The following UNC5C variants were observed in gnomAD, a reference collection of about 807,000 sequenced individuals.
UNC5C encodes the protein unc-5 netrin receptor C.
A neutral mutation model predicts 99.8 loss-of-function variants in UNC5C; 47 were observed. The observed-to-expected ratio is 0.47, with a 90% confidence interval of 0.37 to 0.60. UNC5C has a LOEUF of 0.60. UNC5C is among the 20% of genes least tolerant of loss of function. The pLI is 0.00. For synonymous variants in UNC5C, 487 were observed against 452.2 expected (o/e 1.08, Z -0.98); for missense variants, 1,062 against 1,165.9 (o/e 0.91, Z 1.30).
chr4:95,515,960 G>A (rs1282033046), intron 1 of UNC5C, among the ~76,000 whole-genome samples: 3 of 152,110 alleles, frequency 2.0e-5, no homozygotes, highest in Non-Finnish European at 4.4e-5. Flanking sequence ...ATATATTAAT[G>A]CTCTATGTGC....
intron 1 of UNC5C, among the ~76,000 whole-genome samples, chr4:95,467,139 T>C (rs1201521030): frequency 2.0e-5 from 3 of 152,188 alleles, no homozygotes; most frequent in Non-Finnish European, 4.4e-5. Context: ...TGGCCCCTGC[T>C]GACAGGTTAA....
chr4:95,514,609 T>C (rs1722164958), intron 1 of UNC5C, among the ~76,000 whole-genome samples: 4 of 149,878 alleles, frequency 2.7e-5, no homozygotes, highest in Admixed American at 2.0e-4. Context: ...GTGTGTTCTA[T>C]AAGAGCAGCA....
chr4:95,315,545 C>T (rs931478466), intron 2 of UNC5C, among the ~76,000 whole-genome samples: 13 of 152,128 alleles, frequency 8.5e-5, no homozygotes, highest in African/African-American at 2.9e-4. Flanking sequence ...ATTCATATCT[C>T]CAGGCAAAGT....
At chr4:95,428,870 T>A (rs1332212711) in intron 1 of UNC5C, among the ~76,000 whole-genome samples, 1 of 152,158 alleles carries the variant, frequency 6.6e-6, no homozygotes, top group Non-Finnish European at 1.5e-5. Context: ...TACAGTTTTC[T>A]ATCTCCTGAC....
intron 14 of UNC5C, among the ~76,000 whole-genome samples, chr4:95,181,473 C>G (rs984556533): frequency 6.6e-6 from 1 of 152,068 alleles, no homozygotes; most frequent in Admixed American, 6.5e-5. Flanking sequence ...GGACCAGACC[C>G]CCTCACCCCC....
intron 1 of UNC5C, among the ~76,000 whole-genome samples, chr4:95,388,805 A>G (rs964983930): frequency 6.6e-6 from 1 of 152,184 alleles, no homozygotes; most frequent in African/African-American, 2.4e-5. Flanking sequence ...AGACAAATTC[A>G]TATCATTTCT....
Position 95,162,695 on chromosome 4 carries a change from C to T in UNC5C, c.*6539G>A, listed in dbSNP as rs890233773. The T allele has an allele frequency of 2.6e-4, 39 of 152,216 alleles. No individual in the cohort carries two copies. Among genetic ancestry groups the T allele is most frequent in the African/African-American group, 8.9e-4 (37 of 41,520 alleles). The allele number at this position is 152,216 out of a possible 1,614,324, so 9.4% of individuals were successfully genotyped here. A position where few individuals can be genotyped will look rare whatever the true frequency, so the allele number is the denominator to read the frequency against. ...CCCTCACCTCCACCACTCAGCAAGG[C>T]GCCGGACAGATATCCGGAGGGCACT... On this transcript the variant is annotated 3_prime_UTR_variant, in exon 16 of 16. Transcript: ENST00000453304.
At chr4:95,422,697 G>T (rs1175931956) in intron 1 of UNC5C, among the ~76,000 whole-genome samples, 3 of 152,180 alleles carry the variant, frequency 2.0e-5, no homozygotes, top group African/African-American at 7.2e-5. Flanking sequence ...TTGTATCTCA[G>T]TGAGAGAATG....
chr4:95,281,637 A>G (rs1222207882), intron 3 of UNC5C, among the ~76,000 whole-genome samples: 1 of 152,232 alleles, frequency 6.6e-6, no homozygotes, highest in Non-Finnish European at 1.5e-5. Context: ...GGAGAGCGCC[A>G]GAAGGCAAGG....
At chr4:95,324,514 T>G (rs1742816450) in intron 2 of UNC5C, among the ~76,000 whole-genome samples, 2 of 152,280 alleles carry the variant, frequency 1.3e-5, no homozygotes, top group South Asian at 4.1e-4. Context: ...CCTCCCACTT[T>G]GCGGAAAAAT....
chr4:95,327,273 C>T (rs116739131), intron 2 of UNC5C, among the ~76,000 whole-genome samples: 2,665 of 152,028 alleles, frequency 0.018, 49 homozygotes, highest in African/African-American at 0.046. Flanking sequence ...AAAGCTTTAA[C>T]GTAAAAAGCC....
At chr4:95,536,191 T>A (rs1312149848) in intron 1 of UNC5C, among the ~76,000 whole-genome samples, 1 of 151,902 alleles carries the variant, frequency 6.6e-6, no homozygotes, top group Non-Finnish European at 1.5e-5. Context: ...TTCTCCTGCC[T>A]CAGCTTCCCA....
At chr4:95,300,206 G>T (rs1384768693) in intron 3 of UNC5C, among the ~76,000 whole-genome samples, 1 of 152,192 alleles carries the variant, frequency 6.6e-6, no homozygotes, top group Non-Finnish European at 1.5e-5. Context: ...CAGGTTACGT[G>T]GCATCCATGT....
At chr4:95,258,802 C>T (rs555084825) in intron 4 of UNC5C, among the ~76,000 whole-genome samples, 153 of 131,874 alleles carry the variant, frequency 1.2e-3, no homozygotes, top group South Asian at 2.0e-3. Flanking sequence ...TCGCCCAGGC[C>T]GGACTGCGGA....
intron 8 of UNC5C, among the ~76,000 whole-genome samples, chr4:95,219,654 G>A (rs1194977028): frequency 1.3e-5 from 2 of 152,024 alleles, no homozygotes; most frequent in Non-Finnish European, 2.9e-5. Flanking sequence ...GGGTTCATTG[G>A]TAAATCATTC....
chr4:95,527,429 G>C (rs1243957976), intron 1 of UNC5C, among the ~76,000 whole-genome samples: 3 of 152,022 alleles, frequency 2.0e-5, no homozygotes, highest in Non-Finnish European at 4.4e-5. Context: ...AAACTGATTT[G>C]ATAAATTAAA....
chr4:95,277,326 C>T (rs1457385741), intron 4 of UNC5C, among the ~76,000 whole-genome samples: 1 of 152,160 alleles, frequency 6.6e-6, no homozygotes, highest in Non-Finnish European at 1.5e-5. Context: ...TGGAGGCCAA[C>T]AAGGACCACC....
chr4:95,162,681 A>G lies in UNC5C; in HGVS notation c.*6553T>C, dbSNP rs2149339646. Reference sequence around the variant, plus strand: ...CCCGGAGCTGGTATCCCTCACCTCCACCACTCAGCAAGGCGCCGGACAGAT... The same window carrying G: ...CCCGGAGCTGGTATCCCTCACCTCCGCCACTCAGCAAGGCGCCGGACAGAT... On this transcript the variant is annotated 3_prime_UTR_variant, in exon 16 of 16. Transcript: ENST00000453304. 1 of 152,150 alleles carries G rather than the reference A, an allele frequency of 6.6e-6. No homozygotes were observed. Among genetic ancestry groups the G allele is most frequent in the Non-Finnish European group, 1.5e-5 (1 of 68,012 alleles). The allele number at this position is 152,150 out of a possible 1,614,324, so 9.4% of individuals were successfully genotyped here.
At chr4:95,459,847 T>C (rs1186783696) in intron 1 of UNC5C, among the ~76,000 whole-genome samples, 1 of 152,192 alleles carries the variant, frequency 6.6e-6, no homozygotes, top group Non-Finnish European at 1.5e-5. Context: ...ACCATAAGTT[T>C]GAAACAAGTA....
Sources: gnomAD v4.1 joint callset for allele counts (sites outside exome capture counted in the v4.1 genomes callset) on GRCh38, gnomAD v4.1.1 for gene constraint, MANE v1.5 for transcripts, NCBI Gene and HGNC (gene_info 2026-07-23, HGNC 2026-07-21) for gene names.